DMD: variants seen among roughly 807,000 people sequenced by gnomAD.
DMD encodes mutant dystrophin.
In DMD, 63 loss-of-function variants were observed where a neutral mutation model predicts 330.1. The observed-to-expected ratio is 0.19, with a 90% CI of 0.16 to 0.24. DMD has a LOEUF of 0.24. Among genes scored for constraint, DMD ranks in the 10% least tolerant of loss-of-function variants. The pLI, the probability that DMD is intolerant of heterozygous loss-of-function variation, is 1.00. For missense variants in DMD, 3,344 were observed against 2,684.1 expected (o/e 1.25, Z -5.43); for synonymous variants, 1,223 against 959.8 (o/e 1.27, Z -5.07).
chrX:32,328,750 G>A (rs1289085408), intron 41 of DMD, among the ~76,000 whole-genome samples: 1 of 109,860 alleles, frequency 9.1e-6, no homozygotes, highest in Non-Finnish European at 1.9e-5. Context: ...TTCTAGTAAA[G>A]GACATTGTAA....
At chrX:32,816,763 G>A in intron 5 of DMD, 123 bp from the exon 6 acceptor site, 1 of 626,461 alleles carries the variant, frequency 1.6e-6, no homozygotes, top group Admixed American at 2.7e-5. Context: ...TTAGTAATGA[G>A]ACATAATAGA....
chrX:32,626,262 G>A (rs748758907), intron 11 of DMD, among the ~76,000 whole-genome samples: 1 of 111,198 alleles, frequency 9.0e-6, no homozygotes, highest in Non-Finnish European at 1.9e-5. Context: ...CCTGAGGTCA[G>A]GAGTTCAAGA....
rs182173620 is a variant in DMD at position 32,057,972 on chromosome X, T to C, written c.6439-89458A>G. Reference sequence around the variant, plus strand: ...AATAGGGGTGCCAAGAATACACAACTGGGAAAGGATATCCTCTTCAACCAA... The same window carrying C: ...AATAGGGGTGCCAAGAATACACAACCGGGAAAGGATATCCTCTTCAACCAA... On this transcript the variant is annotated intron_variant, in intron 44 of 78. Transcript: ENST00000357033. Among the ~76,000 whole-genome samples, 330 of 110,912 alleles carry C rather than the reference T, an allele frequency of 3.0e-3. 1 individual carries two copies. The highest frequency in any genetic ancestry group is 4.1e-3 in the Non-Finnish European group (217 of 52,648).
intron 1 of DMD, among the ~76,000 whole-genome samples, chrX:33,073,499 A>G (rs2094790787): frequency 9.0e-6 from 1 of 111,493 alleles, no homozygotes; most frequent in African/African-American, 3.3e-5. Flanking sequence ...TGCCTCTCCA[A>G]ATCTCAGGAA....
chrX:31,868,594 T>C (rs2093839102), intron 48 of DMD, among the ~76,000 whole-genome samples: 1 of 112,018 alleles, frequency 8.9e-6, no homozygotes, highest in Non-Finnish European at 1.9e-5. Flanking sequence ...TACTCTTGAC[T>C]ATATGGAGCT....
Position 32,809,540 on chromosome X carries a change from T to C in DMD, c.602A>G (p.Asn201Ser). 3 of 1,211,494 alleles carry C rather than the reference T, an allele frequency of 2.5e-6. No individual in the cohort carries two copies. Among genetic ancestry groups the C allele is most frequent in the South Asian group, 3.5e-5 (2 of 57,003 alleles). ...TATGCCTAATTGATATCTGGCGATG[T>C]TGAATGCATGTTCCAGTCGTTGTGT... ...SATQRLEHAFNIARYQLGIEK... is the reference protein window; with the variant it reads ...SATQRLEHAFSIARYQLGIEK... The change falls in exon 7 of 79, where the codon AAC (asparagine) becomes AGC (serine). Residue 201 changes from asparagine to serine, a missense_variant. By Grantham distance (46) the Asn-to-Ser change is conservative. Transcript: ENST00000357033.
rs759897563 is a variant in DMD at position 31,529,147 on chromosome X, G to A, written c.8218-21694C>T. On this transcript the variant is annotated intron_variant, in intron 55 of 78. Transcript: ENST00000357033. ...TGAGGCAGGAGAATCGCTTGAACCC[G>A]GGAGGTGGAGGTTGCAGTGAGCCGA... 8.2e-5 allele frequency among the ~76,000 whole-genome samples: 9 copies of A among 109,337 alleles called. No homozygotes were observed. The South Asian group carries it at 1.6e-3, about 20-fold the overall frequency. 94.9% of individuals were successfully genotyped at this position (109,337 alleles called of 115,157 possible).
chrX:31,121,311 A>G lies in DMD; in HGVS notation c.*608T>C, dbSNP rs924483564. On this transcript the variant is annotated 3_prime_UTR_variant, in exon 79 of 79. Transcript: ENST00000357033. Reference sequence around the variant, plus strand: ...CTCAAATGAGCAGTGTGTAGTAGTCATTTGGTGTGGTGGTAGAGGAAGTCT... The same window carrying G: ...CTCAAATGAGCAGTGTGTAGTAGTCGTTTGGTGTGGTGGTAGAGGAAGTCT... The G allele has an allele frequency of 8.4e-6, 1 of 119,118 alleles. No individual in the cohort carries two copies. 9.8% of individuals were successfully genotyped at this position (119,118 alleles called of 1,213,427 possible). A position where few individuals can be genotyped will look rare whatever the true frequency, so the allele number is the denominator to read the frequency against.
intron 43 of DMD, among the ~76,000 whole-genome samples, chrX:32,282,577 A>G (rs963055636): frequency 8.9e-6 from 1 of 112,167 alleles, no homozygotes; most frequent in African/African-American, 3.2e-5. Context: ...TTGTTGAGAT[A>G]CATGTTGAAA....
chrX:31,480,828 T>C (rs1401309120), intron 57 of DMD, among the ~76,000 whole-genome samples: 1 of 111,528 alleles, frequency 9.0e-6, no homozygotes, highest in Non-Finnish European at 1.9e-5. Flanking sequence ...TATTTAGGAA[T>C]ATTTAACATA....
intron 61 of DMD, among the ~76,000 whole-genome samples, chrX:31,345,214 A>G (rs1041758055): frequency 1.8e-5 from 2 of 111,884 alleles, no homozygotes; most frequent in African/African-American, 6.5e-5. Flanking sequence ...AGGCAGGTAG[A>G]TCAGTCTCTT....
At chrX:32,555,842 T>G (rs779704062) in intron 16 of DMD, among the ~76,000 whole-genome samples, 4 of 111,815 alleles carry the variant, frequency 3.6e-5, no homozygotes, top group Non-Finnish European at 7.5e-5. Flanking sequence ...AAGACTTAAA[T>G]GCAAAACCCC....
At chrX:32,057,808 T>C (rs1028324599) in intron 44 of DMD, among the ~76,000 whole-genome samples, 8 of 111,233 alleles carry the variant, frequency 7.2e-5, no homozygotes. Context: ...AAGAATAAAC[T>C]GGAGGCATCA....
intron 25 of DMD, among the ~76,000 whole-genome samples, chrX:32,456,174 T>C (rs2098357346): frequency 9.0e-6 from 1 of 110,708 alleles, no homozygotes; most frequent in Non-Finnish European, 1.9e-5. Flanking sequence ...ATGTGTAGAA[T>C]CACTATCGCA....
At chrX:32,799,070 A>G (rs972720433) in intron 7 of DMD, among the ~76,000 whole-genome samples, 42 of 111,510 alleles carry the variant, frequency 3.8e-4, no homozygotes, top group African/African-American at 1.3e-3. Context: ...TCTTTCCATG[A>G]TTATTTTTGT....
chrX:33,190,891 TATATA>T (rs1349542150), intron 1 of DMD, among the ~76,000 whole-genome samples: 8 of 781 alleles, frequency 0.01, 2 homozygotes, highest in African/African-American at 0.031. Context: ...TATATAATAT[TATATA>T]TTATATAATA....
intron 74 of DMD, among the ~76,000 whole-genome samples, 167 bp from the exon 75 acceptor site, chrX:31,147,685 T>C (rs745823292): frequency 2.7e-5 from 3 of 109,648 alleles, no homozygotes; most frequent in Non-Finnish European, 5.7e-5. Flanking sequence ...ATGGTTTTAA[T>C]GATGACAATC....
chrX:32,843,185 T>C (rs1362289254), intron 4 of DMD, among the ~76,000 whole-genome samples: 7 of 112,255 alleles, frequency 6.2e-5, no homozygotes, highest in Non-Finnish European at 5.6e-5. Context: ...ATTTTCTTGC[T>C]GGGGACAGTC....
At chrX:32,270,727 A>AT (rs750689685) in intron 43 of DMD, among the ~76,000 whole-genome samples, 1 of 111,753 alleles carries the variant, frequency 8.9e-6, no homozygotes, top group African/African-American at 3.2e-5. Context: ...TGTGCCCCAA[A>AT]TATCTACTGC....
Sources: gnomAD v4.1 joint callset for allele counts (sites outside exome capture counted in the v4.1 genomes callset) on GRCh38, gnomAD v4.1.1 for gene constraint, MANE v1.5 for transcripts, NCBI Gene and HGNC (gene_info 2026-07-23, HGNC 2026-07-21) for gene names.